The following PLCB4 variants were observed in gnomAD, a reference collection of about 807,000 sequenced individuals.
The protein encoded by PLCB4 is 1-phosphatidylinositol 4,5-bisphosphate phosphodiesterase beta-4.
A neutral mutation model predicts 178.8 loss-of-function variants in PLCB4; 77 were observed. That is an observed-to-expected ratio of 0.43 (90% CI 0.36 to 0.52). PLCB4 has a LOEUF of 0.52. PLCB4 is among the 20% of genes least tolerant of loss of function. The pLI, the probability that PLCB4 is intolerant of heterozygous loss-of-function variation, is 0.00. For missense variants in PLCB4, 1,024 were observed against 1,453.4 expected (o/e 0.70, Z 4.80); for synonymous variants, 496 against 490.8 (o/e 1.01, Z -0.14).
At chr20:9,297,411 G>A (rs1476218429) in intron 3 of PLCB4, among the ~76,000 whole-genome samples, 2 of 151,930 alleles carry the variant, frequency 1.3e-5, no homozygotes, top group African/African-American at 4.8e-5. Flanking sequence ...TACACATTGG[G>A]TACAATGTAT....
At chr20:9,477,884 C>T (rs187630520) in intron 39 of PLCB4, among the ~76,000 whole-genome samples, 20 of 152,168 alleles carry the variant, frequency 1.3e-4, no homozygotes, top group Admixed American at 6.5e-5. Context: ...GACCAAATCC[C>T]CTCCCAGTGA....
rs910651548 is a variant in PLCB4 at position 9,479,712 on chromosome 20, T to A, written c.*703T>A. The A allele has an allele frequency of 2.0e-5, 3 of 152,728 alleles. No homozygotes were observed. The highest frequency in any genetic ancestry group is 7.2e-5 in the African/African-American group (3 of 41,468). The allele number at this position is 152,728 out of a possible 1,614,324, so 9.5% of individuals were successfully genotyped here. A position where few individuals can be genotyped will look rare whatever the true frequency, so the allele number is the denominator to read the frequency against. The stretch of plus-strand genomic sequence containing the variant: ...TTGTTTCTGCAGATTCCGGATATTA[T>A]AATTCACACCATAAAGATTGTGAAG... On this transcript the variant is annotated 3_prime_UTR_variant, in exon 40 of 40. Coordinates refer to ENST00000378473, the MANE Select transcript of PLCB4 (RefSeq NM_001377142.1).
At chr20:9,423,693 A>G (rs1401076601) in intron 27 of PLCB4, 55 bp from the exon 28 acceptor site, 7 of 1,383,096 alleles carry the variant, frequency 5.1e-6, no homozygotes, top group Non-Finnish European at 6.1e-6. Context: ...CCTTAGAGTC[A>G]TGGTTCTTGG....
chr20:9,431,120 T>A (rs2041364462), intron 28 of PLCB4, among the ~76,000 whole-genome samples: 1 of 152,186 alleles, frequency 6.6e-6, no homozygotes, highest in African/African-American at 2.4e-5. Context: ...GGCCATGCCC[T>A]CTCTGAAGGC....
At chr20:9,248,891 C>T (rs946183332) in intron 3 of PLCB4, among the ~76,000 whole-genome samples, 20 of 152,156 alleles carry the variant, frequency 1.3e-4, no homozygotes, top group Admixed American at 1.3e-3. Context: ...AGTCCAAAAT[C>T]ACTGGGCTAA....
chr20:9,145,159 C>T (rs866289618), intron 2 of PLCB4, among the ~76,000 whole-genome samples: 2 of 152,134 alleles, frequency 1.3e-5, no homozygotes, highest in South Asian at 4.2e-4. Flanking sequence ...AATATTTCTC[C>T]AGTATGTTTT....
intron 2 of PLCB4, among the ~76,000 whole-genome samples, chr20:9,153,508 G>C (rs536331114): frequency 6.6e-6 from 1 of 152,128 alleles, no homozygotes; most frequent in East Asian, 1.9e-4. Flanking sequence ...CATGTAAGAA[G>C]TGCCTTTCAA....
intron 2 of PLCB4, among the ~76,000 whole-genome samples, chr20:9,143,680 T>C: frequency 6.6e-6 from 1 of 152,138 alleles, no homozygotes; most frequent in East Asian, 1.9e-4. Flanking sequence ...GGATGCTATT[T>C]AAAAATTTGG....
intron 4 of PLCB4, among the ~76,000 whole-genome samples, chr20:9,330,477 G>T (rs1322815883): frequency 6.6e-6 from 1 of 152,162 alleles, no homozygotes; most frequent in Non-Finnish European, 1.5e-5. Context: ...CTGGCGATAG[G>T]CAGAGGGGCC....
intron 3 of PLCB4, among the ~76,000 whole-genome samples, chr20:9,223,697 G>A (rs2093828123): frequency 6.6e-6 from 1 of 152,228 alleles, no homozygotes; most frequent in African/African-American, 2.4e-5. Context: ...GGTGGAAGCA[G>A]CATTGCTTTA....
rs1341613015 is a variant in PLCB4 at position 9,372,493 on chromosome 20, A to G, written c.686+90A>G. On this transcript the variant is annotated intron_variant, in intron 11 of 39. Transcript: ENST00000378473. ...CGTTTTTGTCCTATTTTAATAGAGT[A>G]TGTTGGTAGCATCTAGGAATATCTA... 1.1e-5 allele frequency: 7 copies of G among 627,556 alleles called. No homozygotes were observed. In the East Asian group the frequency reaches 2.0e-4, roughly 18 times the overall value. The allele number at this position is 627,556 out of a possible 1,614,324, so 38.9% of individuals were successfully genotyped here.
At chr20:9,109,696 T>C (rs1346757618) in intron 2 of PLCB4, among the ~76,000 whole-genome samples, 1 of 152,152 alleles carries the variant, frequency 6.6e-6, no homozygotes, top group Non-Finnish European at 1.5e-5. Context: ...AAGCCTAATA[T>C]AGTGAAGGGA....
In PLCB4 at chr20:9,169,476, A is replaced by G. The variant is rs997335387; in HGVS notation, c.-78-47914A>G. ...GTGGTGGTGCACACCTGTAATCCCAACTACTCTGGAGGCTGAGGCAGGAGA... is the reference window on the plus strand; with the variant it reads ...GTGGTGGTGCACACCTGTAATCCCAGCTACTCTGGAGGCTGAGGCAGGAGA... On this transcript the variant is annotated intron_variant, in intron 2 of 39. Transcript: ENST00000378473. Among the ~76,000 whole-genome samples the G allele has an allele frequency of 1.3e-5, 2 of 151,386 alleles. 1 individual carries two copies. The highest frequency in any genetic ancestry group is 2.9e-5 in the Non-Finnish European group (2 of 67,900).
chr20:9,124,311 G>A (rs1212644674), intron 2 of PLCB4, among the ~76,000 whole-genome samples: 2 of 152,076 alleles, frequency 1.3e-5, no homozygotes, highest in East Asian at 3.9e-4. Context: ...TTCAAGACCA[G>A]CCTGGGCAAA....
intron 3 of PLCB4, among the ~76,000 whole-genome samples, chr20:9,264,146 A>G (rs1371308892): frequency 6.6e-6 from 1 of 152,192 alleles, no homozygotes; most frequent in Non-Finnish European, 1.5e-5. Flanking sequence ...ACCAGGTAGA[A>G]CATCTGTGGC....
At chr20:9,443,880 CA>C in intron 30 of PLCB4, 100 bp from the exon 31 acceptor site, 1 of 689,392 alleles carries the variant, frequency 1.5e-6, no homozygotes. Flanking sequence ...AAAGCTGCTT[CA>C]AAGTCTTTCG....
At chr20:9,081,494 G>A (rs1030902902) in intron 1 of PLCB4, among the ~76,000 whole-genome samples, 1 of 152,088 alleles carries the variant, frequency 6.6e-6, no homozygotes, top group African/African-American at 2.4e-5. Context: ...TCTTCAACTG[G>A]CTGACTCCTA....
At chr20:9,224,040 C>T (rs189785168) in intron 3 of PLCB4, among the ~76,000 whole-genome samples, 21 of 152,224 alleles carry the variant, frequency 1.4e-4, no homozygotes, top group African/African-American at 4.6e-4. Context: ...TGTGGTTGAC[C>T]TTGGGTACCT....
chr20:9,335,566 A>T (rs1187099345), intron 4 of PLCB4, among the ~76,000 whole-genome samples: 1 of 152,196 alleles, frequency 6.6e-6, no homozygotes, highest in Non-Finnish European at 1.5e-5. Flanking sequence ...AGTCTGAACC[A>T]TGCATTGTTG....
Sources: gnomAD v4.1 joint callset for allele counts (sites outside exome capture counted in the v4.1 genomes callset) on GRCh38, gnomAD v4.1.1 for gene constraint, MANE v1.5 for transcripts, NCBI Gene and HGNC (gene_info 2026-07-23, HGNC 2026-07-21) for gene names.